Variants in ABCA5 observed in about 807,000 individuals in gnomAD.
ABCA5 encodes the protein ATP binding cassette subfamily A member 5.
A neutral mutation model predicts 206.0 loss-of-function variants in ABCA5; 163 were observed. The observed-to-expected ratio is 0.79, with a 90% CI of 0.70 to 0.90. The LOEUF (loss-of-function observed/expected upper bound fraction) is 0.90, where lower values mean the gene tolerates loss of function less well. Among genes scored for constraint, ABCA5 ranks in the 40% least tolerant of loss-of-function variants. The pLI, the probability that ABCA5 is intolerant of heterozygous loss-of-function variation, is 0.00. For synonymous variants in ABCA5, 609 were observed against 613.8 expected (o/e 0.99, Z 0.11); for missense variants, 1,859 against 1,912.9 (o/e 0.97, Z 0.53).
intron 32 of ABCA5, 117 bp downstream of exon 32, chr17:69,254,198 A>G (rs2075049214): frequency 1.2e-6 from 1 of 833,028 alleles, no homozygotes; most frequent in Middle Eastern, 3.4e-4. Flanking sequence ...TGAAAAAGTA[A>G]TAAACATTTT....
rs2075899512 is a variant in ABCA5 at position 69,326,792 on chromosome 17, C to T, written c.-16+260G>A. Among the ~76,000 whole-genome samples, 1 of 152,160 alleles carries T rather than the reference C, an allele frequency of 6.6e-6. No homozygotes were observed. The highest frequency in any genetic ancestry group is 2.4e-5 in the African/African-American group (1 of 41,442). On this transcript the variant is annotated intron_variant, in intron 1 of 38. Transcript: ENST00000392676. This position sits in a 1 kb window ranked among gnomAD's most constrained non-coding sequence, Gnocchi z 4.8. ...CCGCCGCAGGGCCCCGACCCCCTCACGTCCGCATCCTGGGCGCTCCCACCG... is the reference window on the plus strand; with the variant it reads ...CCGCCGCAGGGCCCCGACCCCCTCATGTCCGCATCCTGGGCGCTCCCACCG...
At chr17:69,278,789 T>C (rs1029517152) in intron 18 of ABCA5, among the ~76,000 whole-genome samples, 6 of 152,158 alleles carry the variant, frequency 3.9e-5, no homozygotes, top group Admixed American at 6.5e-5. Flanking sequence ...AAAAACCACA[T>C]GATTATCTCA....
At chr17:69,312,197 C>G (rs1338310024) in intron 3 of ABCA5, among the ~76,000 whole-genome samples, 2 of 152,188 alleles carry the variant, frequency 1.3e-5, no homozygotes, top group Non-Finnish European at 2.9e-5. Context: ...CTTTCTCCAG[C>G]TTTTGCTTTA....
At chr17:69,248,558 C>T (rs74715252) in intron 37 of ABCA5, 3,222 of 285,530 alleles carry the variant, frequency 0.011, 88 homozygotes, top group African/African-American at 0.066. Flanking sequence ...TCTAAGTTCT[C>T]CTCCATTATC....
In ABCA5 at chr17:69,244,531, G is replaced by T. The variant is rs898571453; in HGVS notation, c.*3006C>A. ...ATAAAAAATAATTAAACTTTTACCT[G>T]ATAAGAATAGCTGATATAAAAATTA... On this transcript the variant is annotated 3_prime_UTR_variant, in exon 39 of 39. Transcript: ENST00000392676. The T allele has an allele frequency of 2.0e-5, 3 of 151,520 alleles. No homozygotes were observed. The highest frequency in any genetic ancestry group is 7.3e-5 in the African/African-American group (3 of 41,328). 9.4% of individuals were successfully genotyped at this position (151,520 alleles called of 1,614,324 possible).
chr17:69,257,601 A>G (rs2075098234), intron 28 of ABCA5, among the ~76,000 whole-genome samples: 1 of 151,998 alleles, frequency 6.6e-6, no homozygotes, highest in Non-Finnish European at 1.5e-5. Flanking sequence ...GATATAGAAT[A>G]GGAATTAGGG....
chr17:69,262,333 T>C (rs73378346), intron 24 of ABCA5, among the ~76,000 whole-genome samples: 11,954 of 152,142 alleles, frequency 0.079, 1,578 homozygotes, highest in African/African-American at 0.27. Context: ...TTCTGTCACC[T>C]AGGTACTGGA....
chr17:69,277,706 C>G lies in ABCA5; in HGVS notation c.2529G>C (p.Gln843His). The part of the protein sequence containing the change: ...LVSTMSLWKQ[Q>H]MYTIAKFHFF... ...AATGAAACTTTGCTATTGTATACAT[C>G]TGTTGTTTCCAAAGGCTCATGGTGC... The change falls in exon 19 of 39, where the codon CAG (glutamine) becomes CAC (histidine). Residue 843 changes from glutamine (Q) to histidine (H), a missense_variant. By Grantham distance (24) the Gln-to-His change is conservative. Coordinates refer to ENST00000392676, the MANE Select transcript of ABCA5 (RefSeq NM_172232.4). 1 of 1,611,650 alleles carries G rather than the reference C, an allele frequency of 6.2e-7. No homozygotes were observed. Among genetic ancestry groups the G allele is most frequent in the Non-Finnish European group, 8.5e-7 (1 of 1,179,290 alleles).
chr17:69,303,530 A>G (rs1416991741), intron 7 of ABCA5, among the ~76,000 whole-genome samples: 1 of 151,188 alleles, frequency 6.6e-6, no homozygotes. Flanking sequence ...AGATGCATAA[A>G]ATATGTGAAA....
chr17:69,303,299 G>T (rs1331447900), intron 7 of ABCA5, among the ~76,000 whole-genome samples: 1 of 151,786 alleles, frequency 6.6e-6, no homozygotes, highest in Admixed American at 6.6e-5. Context: ...TATTTTTTTT[G>T]TAGAGACAGG....
At position 69,282,429 on chromosome 17, in the gene ABCA5, C is replaced by T. The variant is rs992378926; in HGVS notation, c.2392+1524G>A. Among the ~76,000 whole-genome samples, 9 of 152,210 alleles carry T rather than the reference C, an allele frequency of 5.9e-5. No individual in the cohort carries two copies. The South Asian group carries it at 1.2e-3, about 21-fold the overall frequency. The stretch of plus-strand genomic sequence containing the variant: ...TAACTTCCAAATCTGTATCTTCAGC[C>T]GTAACATCTTCATTTAACTCCAGAT... On this transcript the variant is annotated intron_variant, in intron 18 of 38. Transcript: ENST00000392676.
intron 5 of ABCA5, among the ~76,000 whole-genome samples, 190 bp from the exon 6 acceptor site, chr17:69,307,144 A>T (rs1211649385): frequency 2.0e-5 from 3 of 152,102 alleles, no homozygotes; most frequent in Admixed American, 6.5e-5. Context: ...CATTCAATTT[A>T]TTCTAAAAGT....
intron 18 of ABCA5, among the ~76,000 whole-genome samples, chr17:69,279,810 T>C (rs2075372175): frequency 6.6e-6 from 1 of 152,210 alleles, no homozygotes; most frequent in Non-Finnish European, 1.5e-5. Flanking sequence ...TAAATGGTGC[T>C]GGGAAAACTA....
At chr17:69,273,415 TCTA>T (rs953331050) in intron 20 of ABCA5, among the ~76,000 whole-genome samples, 2 of 149,180 alleles carry the variant, frequency 1.3e-5, no homozygotes, top group African/African-American at 4.9e-5. Context: ...AAAAGGAAAT[TCTA>T]CTATTATACA....
chr17:69,264,923 CAATTT>C lies in ABCA5; in HGVS notation c.3145-23_3145-19del, dbSNP rs1280159381. 2.1e-6 allele frequency: 3 copies of C among 1,438,208 alleles called. No homozygotes were observed. The highest frequency in any genetic ancestry group is 2.8e-6 in the Non-Finnish European group (3 of 1,085,816). The allele number at this position is 1,438,208 out of a possible 1,614,324, so 89.1% of individuals were successfully genotyped here. On this transcript the variant is annotated intron_variant, in intron 23 of 38. Transcript: ENST00000392676. ...GCTTTGATCTAAAAAAAATGAAAAACAATTTATTATAATTTTAGACACTTTAGAAA... is the reference window on the plus strand; with the variant it reads ...GCTTTGATCTAAAAAAAATGAAAAACATTATAATTTTAGACACTTTAGAAA...
At chr17:69,304,579 T>C (rs1360768500) in intron 7 of ABCA5, 90 bp downstream of exon 7, 6 of 1,152,436 alleles carry the variant, frequency 5.2e-6, no homozygotes, top group African/African-American at 4.8e-5. Flanking sequence ...TCATGGCAAA[T>C]TGACTATAAG....
intron 16 of ABCA5, 91 bp from the exon 17 acceptor site, chr17:69,286,128 A>G (rs1243139083): frequency 6.5e-7 from 1 of 1,548,502 alleles, no homozygotes; most frequent in African/African-American, 1.4e-5. Flanking sequence ...AGTACCATAA[A>G]TGATGGTCAA....
At chr17:69,293,875 T>TGC (rs773669414) in intron 11 of ABCA5, among the ~76,000 whole-genome samples, 7 of 114,164 alleles carry the variant, frequency 6.1e-5, no homozygotes, top group East Asian at 1.2e-3. Flanking sequence ...TGTGTGTGCG[T>TGC]GTGTGTGTGT....
chr17:69,281,673 C>A (rs964158250), intron 18 of ABCA5, among the ~76,000 whole-genome samples: 2 of 152,132 alleles, frequency 1.3e-5, no homozygotes, highest in African/African-American at 2.4e-5. Flanking sequence ...ACTACAGGAG[C>A]AACTTTACAG....
Sources: allele counts gnomAD v4.1 joint callset (sites outside exome capture counted in the v4.1 genomes callset), GRCh38; gene constraint gnomAD v4.1.1; non-coding constraint Gnocchi (gnomAD v3.1); transcripts MANE v1.5; gene names NCBI Gene and HGNC (gene_info 2026-07-23, HGNC 2026-07-21).